PLD5: variants seen among roughly 807,000 people sequenced by gnomAD.
PLD5 encodes inactive phospholipase D5.
Under a neutral mutation model 61.1 loss-of-function variants are expected in PLD5, and 36 were observed. That is an observed-to-expected ratio of 0.59 (90% CI 0.45 to 0.78). The LOEUF is 0.78. Ranked by LOEUF, PLD5 falls within the 30% of genes least tolerant of loss-of-function variation. The pLI is 0.00. For synonymous variants in PLD5, 243 were observed against 242.8 expected (o/e 1.00, Z -0.01); for missense variants, 515 against 644.4 (o/e 0.80, Z 2.17).
At chr1:242,339,953 A>T (rs1659739198) in intron 2 of PLD5, among the ~76,000 whole-genome samples, 1 of 152,218 alleles carries the variant, frequency 6.6e-6, no homozygotes, top group African/African-American at 2.4e-5. Flanking sequence ...TATGTTTAAC[A>T]TCATTAATTA....
intron 5 of PLD5, among the ~76,000 whole-genome samples, chr1:242,156,339 T>C (rs1282781927): frequency 6.6e-6 from 1 of 152,224 alleles, no homozygotes; most frequent in Non-Finnish European, 1.5e-5. Flanking sequence ...TTGGGGCATT[T>C]AGCCCATTTA....
At chr1:242,514,933 G>T (rs892041578) in intron 1 of PLD5, among the ~76,000 whole-genome samples, 7 of 152,208 alleles carry the variant, frequency 4.6e-5, no homozygotes, top group African/African-American at 1.7e-4. Flanking sequence ...TAGAGTCTGA[G>T]GAGGTATAGC....
At chr1:242,229,023 TTA>T (rs1348641645) in intron 4 of PLD5, among the ~76,000 whole-genome samples, 3 of 152,244 alleles carry the variant, frequency 2.0e-5, no homozygotes, top group African/African-American at 7.2e-5. Flanking sequence ...CCCTCAACTT[TTA>T]TATGTGTGCT....
At chr1:242,273,989 C>T (rs573692719) in intron 3 of PLD5, among the ~76,000 whole-genome samples, 69 of 152,260 alleles carry the variant, frequency 4.5e-4, no homozygotes, top group Non-Finnish European at 9.0e-4. Flanking sequence ...AAACTGATTT[C>T]GGGCTTCCTA....
chr1:242,190,552 C>CAT (rs1311043059), intron 5 of PLD5, among the ~76,000 whole-genome samples: 1 of 151,948 alleles, frequency 6.6e-6, no homozygotes, highest in East Asian at 1.9e-4. Context: ...ACTCATTCAA[C>CAT]ATATGGGCCC....
intron 1 of PLD5, among the ~76,000 whole-genome samples, chr1:242,360,969 A>G (rs1315336166): frequency 1.3e-5 from 2 of 152,140 alleles, no homozygotes; most frequent in Non-Finnish European, 2.9e-5. Flanking sequence ...ATAATTCTGA[A>G]TAGAGCAGCT....
At chr1:242,313,812 G>A (rs1016139098) in intron 2 of PLD5, among the ~76,000 whole-genome samples, 12 of 151,740 alleles carry the variant, frequency 7.9e-5, no homozygotes, top group African/African-American at 7.3e-5. Flanking sequence ...GTGCTTCATT[G>A]ATCTTGCACT....
chr1:242,427,063 G>T (rs1207925326), intron 1 of PLD5, among the ~76,000 whole-genome samples: 2 of 152,154 alleles, frequency 1.3e-5, no homozygotes, highest in African/African-American at 2.4e-5. Context: ...TTAGAGAAAA[G>T]CCACTTTCCA....
rs139050010 is a variant in PLD5 at position 242,125,508 on chromosome 1, A to G, written c.736-843T>C. ...ATCAAATACACTCAGGAACATAGCT[A>G]TACTGGCTTCAGTTGAGTCCAGTAT... On this transcript the variant is annotated intron_variant, in intron 5 of 9. Coordinates refer to ENST00000536534, the MANE Select transcript of PLD5 (RefSeq NM_001372062.1). 1.7e-3 allele frequency among the ~76,000 whole-genome samples: 259 copies of G among 152,318 alleles called. 1 individual carries two copies. The highest frequency in any genetic ancestry group is 2.9e-3 in the Non-Finnish European group (196 of 68,020).
At chr1:242,457,420 C>A (rs1195720009) in intron 1 of PLD5, among the ~76,000 whole-genome samples, 2 of 152,092 alleles carry the variant, frequency 1.3e-5, no homozygotes, top group African/African-American at 4.8e-5. Flanking sequence ...AAAAACATTT[C>A]TTTGGTAACC....
chr1:242,221,067 C>T (rs946420568), intron 4 of PLD5, among the ~76,000 whole-genome samples: 1 of 152,170 alleles, frequency 6.6e-6, no homozygotes, highest in African/African-American at 2.4e-5. Context: ...TACTGAAATG[C>T]AACCTTGAAT....
At chr1:242,301,212 C>T (rs941402275) in intron 2 of PLD5, among the ~76,000 whole-genome samples, 45 of 152,200 alleles carry the variant, frequency 3.0e-4, no homozygotes, top group African/African-American at 1.1e-3. Flanking sequence ...GGTGATAAGC[C>T]TACCTAGTTC....
intron 4 of PLD5, among the ~76,000 whole-genome samples, chr1:242,251,915 T>C (rs1672726246): frequency 2.0e-5 from 3 of 151,998 alleles, no homozygotes; most frequent in Non-Finnish European, 2.9e-5. Context: ...ATATGGAAAA[T>C]GTACTGGGAT....
At position 242,522,586 on chromosome 1, in the gene PLD5, C is replaced by G. The variant is rs114585579; in HGVS notation, c.189+1502G>C. ...TCAGAGTGAAACTAAAACGAAGATA[C>G]GTTCTATCACCCTCCCAAGGCTAGA... On this transcript the variant is annotated intron_variant, in intron 1 of 9. Transcript: ENST00000536534. 5.8e-3 allele frequency among the ~76,000 whole-genome samples: 880 copies of G among 152,316 alleles called. 8 individuals are homozygous for G. The highest frequency in any genetic ancestry group is 0.02 in the African/African-American group (819 of 41,580).
intron 1 of PLD5, among the ~76,000 whole-genome samples, chr1:242,352,318 T>C (rs1660523354): frequency 6.6e-6 from 1 of 152,214 alleles, no homozygotes; most frequent in Non-Finnish European, 1.5e-5. Context: ...TCTGCCTTTC[T>C]GTGTTTGGCT....
At chr1:242,378,990 G>T (rs1662131549) in intron 1 of PLD5, among the ~76,000 whole-genome samples, 3 of 152,106 alleles carry the variant, frequency 2.0e-5, no homozygotes, top group Non-Finnish European at 2.9e-5. Context: ...CTGAGCCCCT[G>T]GTTCCCTCTC....
chr1:242,463,168 G>T (rs771461101), intron 1 of PLD5, among the ~76,000 whole-genome samples: 1 of 152,102 alleles, frequency 6.6e-6, no homozygotes, highest in Non-Finnish European at 1.5e-5. Context: ...GCCCCATTAG[G>T]ATTGGCAATC....
chr1:242,150,047 A>C lies in PLD5; in HGVS notation c.736-25382T>G, dbSNP rs566080937. ...ATATGCTCTATTTTTATCTTCACTCAAATCAAAATATTCAATTTCCCTAAG... is the reference window on the plus strand; with the variant it reads ...ATATGCTCTATTTTTATCTTCACTCCAATCAAAATATTCAATTTCCCTAAG... On this transcript the variant is annotated intron_variant, in intron 5 of 9. Transcript: ENST00000536534. Among the ~76,000 whole-genome samples, 80 of 151,932 alleles carry C rather than the reference A, an allele frequency of 5.3e-4. 2 individuals carry two copies. The South Asian group carries it at 0.016, about 30-fold the overall frequency.
rs1272396584 is a variant in PLD5, at chr1:242,084,759, T to G, written c.*5095A>C. 2 of 145,804 alleles carry G rather than the reference T, an allele frequency of 1.4e-5. No homozygotes were observed. The highest frequency in any genetic ancestry group is 2.0e-4 in the East Asian group (1 of 4,998). The allele number at this position is 145,804 out of a possible 1,614,324, so 9.0% of individuals were successfully genotyped here. A position where few individuals can be genotyped will look rare whatever the true frequency, so the allele number is the denominator to read the frequency against. The stretch of plus-strand genomic sequence containing the variant: ...AACATTTATTGGAAAGGTTTTTTTT[T>G]TTTTTTTTTTTTTTTTTTTAGAGAA... On this transcript the variant is annotated 3_prime_UTR_variant, in exon 10 of 10. Transcript: ENST00000536534.
Sources: gnomAD v4.1 joint callset for allele counts (sites outside exome capture counted in the v4.1 genomes callset) on GRCh38, gnomAD v4.1.1 for gene constraint, MANE v1.5 for transcripts, NCBI Gene and HGNC (gene_info 2026-07-23, HGNC 2026-07-21) for gene names.